The following TRPC7 variants were observed in gnomAD, a reference collection of about 807,000 sequenced individuals.
The protein encoded by TRPC7 is transient receptor potential cation channel subfamily C member 7.
In TRPC7, 42 loss-of-function variants were observed where a neutral mutation model predicts 90.1. The ratio of observed to expected loss-of-function variants is 0.47; its 90% CI spans 0.36 to 0.60. The LOEUF (loss-of-function observed/expected upper bound fraction) is 0.60. TRPC7 is among the 20% of genes least tolerant of loss of function. The pLI, the probability that TRPC7 is intolerant of heterozygous loss-of-function variation, is 0.00. For synonymous variants in TRPC7, 451 were observed against 436.3 expected (o/e 1.03, Z -0.42); for missense variants, 955 against 1,112.3 (o/e 0.86, Z 2.01).
At chr5:136,320,703 T>A (rs1027702536) in intron 2 of TRPC7, among the ~76,000 whole-genome samples, 3 of 152,194 alleles carry the variant, frequency 2.0e-5, no homozygotes, top group Non-Finnish European at 2.9e-5. Flanking sequence ...CTCCAGCCAC[T>A]CTGGTGCCCC....
chr5:136,306,279 C>G (rs764449901), intron 3 of TRPC7, among the ~76,000 whole-genome samples: 21 of 152,024 alleles, frequency 1.4e-4, no homozygotes, highest in Admixed American at 2.6e-4. Flanking sequence ...ATTCTTAGAC[C>G]TTTTCCATTT....
At chr5:136,269,329 A>C (rs79099448) in intron 4 of TRPC7, among the ~76,000 whole-genome samples, 5,229 of 152,328 alleles carry the variant, frequency 0.034, 141 homozygotes, top group Non-Finnish European at 0.055. Context: ...GCAACTGAAG[A>C]GTGCCCCTGA....
intron 8 of TRPC7, among the ~76,000 whole-genome samples, chr5:136,227,049 A>G (rs1388137882): frequency 1.3e-5 from 2 of 152,162 alleles, no homozygotes; most frequent in Non-Finnish European, 2.9e-5. Context: ...ATGTTTATAG[A>G]TCTTGCATAT....
At chr5:136,218,140 ATATT>A (rs914305970) in intron 10 of TRPC7, among the ~76,000 whole-genome samples, 3 of 146,540 alleles carry the variant, frequency 2.0e-5, no homozygotes, top group African/African-American at 7.4e-5. Context: ...TATATAATAT[ATATT>A]TGAGATATAT....
At chr5:136,358,769 C>T (rs1760469382) in intron 1 of TRPC7, among the ~76,000 whole-genome samples, 1 of 152,186 alleles carries the variant, frequency 6.6e-6, no homozygotes, top group Non-Finnish European at 1.5e-5. Context: ...TACCAACTTG[C>T]ACATCTTAAA....
At chr5:136,281,127 C>T (rs1757537162) in intron 3 of TRPC7, among the ~76,000 whole-genome samples, 1 of 152,194 alleles carries the variant, frequency 6.6e-6, no homozygotes, top group South Asian at 2.1e-4. Flanking sequence ...GGGGACTCAA[C>T]ATTCGAGATG....
At position 136,247,434 on chromosome 5, in the gene TRPC7, C is replaced by T. The variant is rs752501503; in HGVS notation, c.1844+37G>A. On this transcript the variant is annotated intron_variant, in intron 7 of 11. Transcript: ENST00000513104. The surrounding 1 kb of genome is among the most constrained non-coding windows in gnomAD (Gnocchi z 4.2). Reference sequence around the variant, plus strand: ...GACTCCCAAGGATTCCCAGGAAGCCCAGGGAGAACCTCAGGGGAAAGCTCT... The same window carrying T: ...GACTCCCAAGGATTCCCAGGAAGCCTAGGGAGAACCTCAGGGGAAAGCTCT... 2.4e-5 allele frequency: 38 copies of T among 1,569,838 alleles called. No homozygotes were observed. The highest frequency in any genetic ancestry group is 3.2e-5 in the Non-Finnish European group (37 of 1,156,270).
intron 7 of TRPC7, among the ~76,000 whole-genome samples, chr5:136,235,546 G>T (rs1002348051): frequency 2.6e-5 from 4 of 152,120 alleles, no homozygotes; most frequent in African/African-American, 4.8e-5. Context: ...GCCCCATGAG[G>T]TTATGAGGCT....
rs1162226821 is a variant in TRPC7, at chr5:136,226,443, C to T, written c.2041-188G>A. Reference sequence around the variant, plus strand: ...TCACTAAAACCATGCACAATGGTCACTTTCTGCCTGTCTTCTTTGGACTCA... The same window carrying T: ...TCACTAAAACCATGCACAATGGTCATTTTCTGCCTGTCTTCTTTGGACTCA... On this transcript the variant is annotated intron_variant, in intron 8 of 11. Coordinates refer to ENST00000513104, the MANE Select transcript of TRPC7 (RefSeq NM_020389.3). 13 of 593,846 alleles carry T rather than the reference C, an allele frequency of 2.2e-5. No homozygotes were observed. The Admixed American group carries it at 3.1e-4, about 14-fold the overall frequency. 36.8% of individuals were successfully genotyped at this position (593,846 alleles called of 1,614,324 possible).
chr5:136,279,785 C>T lies in TRPC7; in HGVS notation c.964-4948G>A, dbSNP rs539168949. Among the ~76,000 whole-genome samples the T allele has an allele frequency of 5.3e-5, 8 of 152,316 alleles. No individual in the cohort carries two copies. In the East Asian group the frequency reaches 7.7e-4, roughly 15 times the overall value. On this transcript the variant is annotated intron_variant, in intron 3 of 11. Transcript: ENST00000513104. Reference sequence around the variant, plus strand: ...CTTCCTGAGCCTTACCATCTAACCACGTTGCTCTACATGCTGTTTCCAAAC... The same window carrying T: ...CTTCCTGAGCCTTACCATCTAACCATGTTGCTCTACATGCTGTTTCCAAAC...
At chr5:136,313,373 GTCTGTCTATCTATCTA>G (rs1470188000) in intron 3 of TRPC7, among the ~76,000 whole-genome samples, 4,020 of 92,972 alleles carry the variant, frequency 0.043, 81 homozygotes, top group African/African-American at 0.081. Flanking sequence ...CTCAGGAGAT[GTCTGTCTATCTATCTA>G]TCTATCTATC....
At chr5:136,251,310 G>GATGC in intron 6 of TRPC7, among the ~76,000 whole-genome samples, 1 of 152,286 alleles carries the variant, frequency 6.6e-6, no homozygotes, top group East Asian at 1.9e-4. Context: ...AGCGCTCCTG[G>GATGC]ATGCACATCA....
chr5:136,278,564 AAAC>A (rs1008884214), intron 3 of TRPC7, among the ~76,000 whole-genome samples: 6 of 152,224 alleles, frequency 3.9e-5, no homozygotes, highest in African/African-American at 7.2e-5. Flanking sequence ...GGAGATTAAG[AAAC>A]AACAACAACT....
At chr5:136,217,909 C>T (rs1223304713) in intron 10 of TRPC7, among the ~76,000 whole-genome samples, 2 of 150,624 alleles carry the variant, frequency 1.3e-5, no homozygotes, top group Non-Finnish European at 3.0e-5. Context: ...CCCAGCTACT[C>T]GTGAGGCTGA....
chr5:136,230,597 T>C (rs1355458189), intron 8 of TRPC7, among the ~76,000 whole-genome samples: 1 of 152,258 alleles, frequency 6.6e-6, no homozygotes, highest in African/African-American at 2.4e-5. Context: ...ATTTTTCAGA[T>C]GCATCGTAGT....
In TRPC7 at chr5:136,274,832, A is replaced by G. The variant is rs1188065691; in HGVS notation, c.969T>C (p.Val323=). ...LAIKYEVKKF[V]AHPNCQQQLL... is the part of the protein sequence containing the mutation. ...ATTGCTGCTGACAGTTAGGATGAGC[A>G]ACGAACTGTAAAAACAAAACAAAAA... Residue 323 remains valine (V), a synonymous_variant, in exon 4 of 12, where the codon GTT becomes GTC. Transcript: ENST00000513104. The G allele has an allele frequency of 1.9e-6, 3 of 1,559,882 alleles. No individual in the cohort carries two copies. The East Asian group carries it at 7.2e-5, about 37-fold the overall frequency.
intron 3 of TRPC7, among the ~76,000 whole-genome samples, chr5:136,292,757 C>A (rs1274181705): frequency 6.6e-6 from 1 of 152,148 alleles, no homozygotes; most frequent in Non-Finnish European, 1.5e-5. Flanking sequence ...CTGTTCCAAT[C>A]AATAGAAAAA....
At chr5:136,229,532 G>A (rs1279261171) in intron 8 of TRPC7, among the ~76,000 whole-genome samples, 1 of 152,124 alleles carries the variant, frequency 6.6e-6, no homozygotes, top group Non-Finnish European at 1.5e-5. Context: ...ATGAGGTCAC[G>A]AGGATGGGGC....
chr5:136,351,947 T>C (rs915566460), intron 2 of TRPC7, among the ~76,000 whole-genome samples: 1 of 152,176 alleles, frequency 6.6e-6, no homozygotes, highest in South Asian at 2.1e-4. Context: ...TAGGATAAAG[T>C]TAGTTCTTGC....
Sources: allele counts gnomAD v4.1 joint callset (sites outside exome capture counted in the v4.1 genomes callset), GRCh38; gene constraint gnomAD v4.1.1; non-coding constraint Gnocchi (gnomAD v3.1); transcripts MANE v1.5; gene names NCBI Gene and HGNC (gene_info 2026-07-23, HGNC 2026-07-21).